Variants in RUNX1T1 observed in about 807,000 individuals in gnomAD.
RUNX1T1 encodes the protein protein CBFA2T1.
A neutral mutation model predicts 62.8 loss-of-function variants in RUNX1T1; 4 were observed. The ratio of observed to expected loss-of-function variants is 0.06; its 90% CI spans 0.03 to 0.15. The LOEUF is 0.15. RUNX1T1 is among the 10% of genes least tolerant of loss of function. RUNX1T1 has a pLI of 1.00. For synonymous variants in RUNX1T1, 291 were observed against 286.0 expected, an observed-to-expected ratio of 1.02 and a Z score of -0.18; for missense variants, 508 against 754.3, an observed-to-expected ratio of 0.67 and a Z score of 3.82.
chr8:92,101,961 C>G (rs922500641), upstream of RUNX1T1, among the ~76,000 whole-genome samples: 1 of 152,176 alleles, frequency 6.6e-6, no homozygotes, highest in Non-Finnish European at 1.5e-5. Flanking sequence ...AGAGGGGTTT[C>G]TGGAAAACGA....
intron 1 of RUNX1T1, chr8:92,081,377 A>AAAAAT (rs1835235317): frequency 6.7e-6 from 2 of 300,472 alleles, no homozygotes; most frequent in African/African-American, 2.3e-5. Flanking sequence ...ATATCAGTAC[A>AAAAAT]ATCATAATCT....
exon 3 of RUNX1T1, chr8:92,014,794 TAGG>T (rs1476577227): frequency 6.2e-7 from 1 of 1,612,626 alleles, no homozygotes; most frequent in Admixed American, 1.7e-5. Flanking sequence ...TTCAAGGCTG[TAGG>T]AGAATGGCTC....
At chr8:92,003,901 G>A (rs751164485) in intron 5 of RUNX1T1, among the ~76,000 whole-genome samples, 1 of 152,218 alleles carries the variant, frequency 6.6e-6, no homozygotes. Context: ...CCTACAATAC[G>A]TCAAAAGGGG....
intron 5 of RUNX1T1, among the ~76,000 whole-genome samples, chr8:91,993,639 C>G (rs1292094385): frequency 6.6e-6 from 1 of 152,008 alleles, no homozygotes; most frequent in Admixed American, 6.6e-5. Flanking sequence ...TTTTTCCCCC[C>G]AGCTCCTCAA....
chr8:92,080,464 C>T (rs1835075249), intron 1 of RUNX1T1, among the ~76,000 whole-genome samples: 1 of 152,212 alleles, frequency 6.6e-6, no homozygotes, highest in Non-Finnish European at 1.5e-5. Flanking sequence ...GCCCTTTGTC[C>T]CACACTGAGC....
chr8:92,076,066 C>T, exon 2 of RUNX1T1: 1 of 1,608,276 alleles, frequency 6.2e-7, no homozygotes, highest in Non-Finnish European at 8.5e-7. Context: ...CCACCAATCG[C>T]TCTGCTAATT....
intron 10 of RUNX1T1, among the ~76,000 whole-genome samples, chr8:91,966,652 G>A (rs1485076189): frequency 6.6e-6 from 1 of 152,046 alleles, no homozygotes; most frequent in East Asian, 1.9e-4. Context: ...AAATAAATAT[G>A]GAGAAAATAA....
chr8:91,958,857 G>GA (rs1210951999), downstream of RUNX1T1: 908 of 171,948 alleles, frequency 5.3e-3, no homozygotes, highest in East Asian at 9.0e-3. Flanking sequence ...TGGTTTTCAG[G>GA]AAAAAAAAAA....
At chr8:92,090,174 A>C (rs1176660493) in intron 1 of RUNX1T1, among the ~76,000 whole-genome samples, 2 of 151,316 alleles carry the variant, frequency 1.3e-5, no homozygotes, top group African/African-American at 4.9e-5. Context: ...AAGCGACTGC[A>C]CACAGACACC....
At chr8:91,996,228 G>A (rs967890915) in intron 5 of RUNX1T1, among the ~76,000 whole-genome samples, 1 of 151,704 alleles carries the variant, frequency 6.6e-6, no homozygotes, top group East Asian at 1.9e-4. Context: ...TTGAGACAGA[G>A]TCTCGCTCTG....
chr8:92,046,882 G>GTA (rs1829492921), intron 1 of RUNX1T1, among the ~76,000 whole-genome samples: 1 of 152,136 alleles, frequency 6.6e-6, no homozygotes. Context: ...AACACAAATT[G>GTA]GATTGGATGA....
chr8:92,042,602 G>A (rs1421982541), intron 1 of RUNX1T1, among the ~76,000 whole-genome samples: 1 of 152,184 alleles, frequency 6.6e-6, no homozygotes, highest in Non-Finnish European at 1.5e-5. Flanking sequence ...ACAGGCATGG[G>A]GCACCATGCC....
Position 92,028,196 on chromosome 8 carries a change from C to CT in RUNX1T1, c.8-10834dup, listed in dbSNP as rs201238471. Reference sequence around the variant, plus strand: ...AACAGCTAGAGACATATTAGTAATTCTTTTTTTTTTTTTTTCAATTTTATC... The same window carrying CT: ...AACAGCTAGAGACATATTAGTAATTCTTTTTTTTTTTTTTTTCAATTTTATC... On this transcript the variant is annotated intron_variant, in intron 1 of 10. Coordinates refer to ENST00000396218, the Ensembl canonical transcript of RUNX1T1. 7.6e-3 allele frequency among the ~76,000 whole-genome samples: 904 copies of CT among 118,840 alleles called. 2 individuals carry two copies. Among genetic ancestry groups the CT allele is most frequent in the Middle Eastern group, 0.063 (13 of 206 alleles). The allele number at this position is 118,840 out of a possible 152,430, so 78.0% of individuals were successfully genotyped here.
chr8:92,062,617 T>G (rs1290136708), exon 1 of RUNX1T1: 1 of 1,614,054 alleles, frequency 6.2e-7, no homozygotes, highest in Non-Finnish European at 8.5e-7. Flanking sequence ...TCCGGGCTCA[T>G]GCCTCCTGTT....
intron 1 of RUNX1T1, among the ~76,000 whole-genome samples, chr8:92,086,078 T>C (rs1836068259): frequency 6.6e-6 from 1 of 152,208 alleles, no homozygotes. Context: ...CAGACAGTGC[T>C]TGGGGTACTG....
chr8:92,028,790 T>TCA (rs1322328890), intron 1 of RUNX1T1, among the ~76,000 whole-genome samples: 1 of 152,150 alleles, frequency 6.6e-6, no homozygotes, highest in Non-Finnish European at 1.5e-5. Context: ...ATGCATGTTA[T>TCA]CACAAGGGCC....
intron 9 of RUNX1T1, among the ~76,000 whole-genome samples, chr8:91,974,651 A>T (rs1179876068): frequency 6.6e-6 from 1 of 152,152 alleles, no homozygotes; most frequent in Non-Finnish European, 1.5e-5. Flanking sequence ...TATTTTTAAC[A>T]GCTTGGGAAT....
chr8:92,090,069 TTC>T (rs1470415876), intron 1 of RUNX1T1, among the ~76,000 whole-genome samples: 3 of 151,888 alleles, frequency 2.0e-5, no homozygotes, highest in Non-Finnish European at 4.4e-5. Flanking sequence ...GCCCTTCGCC[TTC>T]TGAGAAATTT....
intron 5 of RUNX1T1, among the ~76,000 whole-genome samples, chr8:92,002,774 A>G (rs1820016267): frequency 6.6e-6 from 1 of 152,190 alleles, no homozygotes; most frequent in Non-Finnish European, 1.5e-5. Context: ...CAAAACATTC[A>G]GTAAAACAAA....
Sources: allele counts gnomAD v4.1 joint callset (sites outside exome capture counted in the v4.1 genomes callset), GRCh38; gene constraint gnomAD v4.1.1; transcripts MANE v1.5; gene names NCBI Gene and HGNC (gene_info 2026-07-23, HGNC 2026-07-21).